Variants in SDK1 observed in about 807,000 individuals in gnomAD.
SDK1 encodes the protein protein sidekick-1.
Under a neutral mutation model 245.5 loss-of-function variants are expected in SDK1, and 157 were observed. That is an observed-to-expected ratio of 0.64 (90% CI 0.56 to 0.73). The LOEUF is 0.73. Ranked by LOEUF, SDK1 falls within the 30% of genes least tolerant of loss-of-function variation. The pLI is 0.00. For synonymous variants in SDK1, 1,647 were observed against 1,278.5 expected, an observed-to-expected ratio of 1.29 and a Z score of -6.15; for missense variants, 3,583 against 3,002.3, an observed-to-expected ratio of 1.19 and a Z score of -4.52.
intron 14 of SDK1, among the ~76,000 whole-genome samples, chr7:4,005,811 G>A (rs534591817): frequency 5.3e-5 from 8 of 152,178 alleles, no homozygotes; most frequent in African/African-American, 1.9e-4. Context: ...CAGACAGATT[G>A]CTTGAGTCCA....
At chr7:3,829,003 T>G (rs1210630076) in intron 5 of SDK1, among the ~76,000 whole-genome samples, 2 of 152,270 alleles carry the variant, frequency 1.3e-5, no homozygotes, top group African/African-American at 4.8e-5. Context: ...TGTGATATGA[T>G]TAATACAATT....
chr7:3,523,035 C>T (rs568037197), intron 1 of SDK1, among the ~76,000 whole-genome samples: 130 of 38,450 alleles, frequency 3.4e-3, no homozygotes, highest in African/African-American at 0.014. Flanking sequence ...AATTGGTAAA[C>T]CTGTAACATT....
At chr7:4,236,979 T>C (rs1786206788) in intron 41 of SDK1, among the ~76,000 whole-genome samples, 1 of 152,130 alleles carries the variant, frequency 6.6e-6, no homozygotes, top group Non-Finnish European at 1.5e-5. Flanking sequence ...TGATCGTGGC[T>C]CACTACAGCC....
intron 4 of SDK1, among the ~76,000 whole-genome samples, chr7:3,818,689 AG>A (rs1779570504): frequency 6.6e-6 from 1 of 152,368 alleles, no homozygotes; most frequent in African/African-American, 2.4e-5. Context: ...CTCATGAACC[AG>A]GAAGTCCCCA....
At chr7:3,952,287 T>TGA (rs1780896546) in intron 7 of SDK1, among the ~76,000 whole-genome samples, 1 of 152,202 alleles carries the variant, frequency 6.6e-6, no homozygotes, top group Non-Finnish European at 1.5e-5. Context: ...GAAACTATTC[T>TGA]ATTATTGCTG....
chr7:3,340,548 C>G (rs11984037), intron 1 of SDK1, among the ~76,000 whole-genome samples: 12 of 152,110 alleles, frequency 7.9e-5, no homozygotes, highest in South Asian at 4.2e-4. Context: ...GGCTCACGAG[C>G]TCAGGAGATC....
intron 17 of SDK1, among the ~76,000 whole-genome samples, chr7:4,046,640 T>C (rs1339717443): frequency 6.6e-6 from 1 of 152,230 alleles, no homozygotes; most frequent in African/African-American, 2.4e-5. Context: ...CTGATCAGTG[T>C]GTCCAGCCCT....
In SDK1 at chr7:4,017,191, C is replaced by G. The variant is rs772167284; in HGVS notation, c.2441C>G (p.Pro814Arg). ...CGCAGGTACCGCCTGGCTGGCCTTC[C>G]CGGAGAGTACCAGCAGCGGAACATC... ...YILRYRLAGL[P>R]GEYQQRNITS... Residue 814 changes from proline (P) to arginine (R), a missense_variant, in exon 17 of 45, where the codon CCC becomes CGC. Coordinates refer to ENST00000404826, the MANE Select transcript of SDK1 (RefSeq NM_152744.4). 8.1e-6 allele frequency: 13 copies of G among 1,612,322 alleles called. No individual in the cohort carries two copies. Among genetic ancestry groups the G allele is most frequent in the Admixed American group, 1.7e-5 (1 of 59,746 alleles).
At chr7:4,136,851 G>C (rs1481096782) in intron 28 of SDK1, among the ~76,000 whole-genome samples, 1 of 152,228 alleles carries the variant, frequency 6.6e-6, no homozygotes, top group African/African-American at 2.4e-5. Context: ...TATGATCCCT[G>C]TTGGCAGATT....
chr7:3,443,819 A>G (rs973993966), intron 1 of SDK1, among the ~76,000 whole-genome samples: 1 of 152,200 alleles, frequency 6.6e-6, no homozygotes, highest in East Asian at 1.9e-4. Flanking sequence ...TCATCAGGCT[A>G]GTGATATCAC....
intron 5 of SDK1, among the ~76,000 whole-genome samples, chr7:3,914,433 C>T (rs1016414518): frequency 2.6e-5 from 4 of 152,110 alleles, no homozygotes; most frequent in Non-Finnish European, 5.9e-5. Context: ...GAAATCACAG[C>T]GAGATTGTGG....
intron 5 of SDK1, among the ~76,000 whole-genome samples, chr7:3,919,655 A>C (rs1779519953): frequency 6.6e-6 from 1 of 152,166 alleles, no homozygotes; most frequent in Non-Finnish European, 1.5e-5. Context: ...AGAGCGCTTA[A>C]AGATTCTGCT....
intron 18 of SDK1, 89 bp from the exon 19 acceptor site, chr7:4,051,549 T>G: frequency 8.4e-7 from 1 of 1,189,042 alleles, no homozygotes; most frequent in Non-Finnish European, 1.2e-6. Context: ...CTTTACATTT[T>G]AAAAGACAAA....
intron 17 of SDK1, among the ~76,000 whole-genome samples, chr7:4,033,502 CA>C (rs376939134): frequency 7.3e-4 from 111 of 151,894 alleles, no homozygotes; most frequent in African/African-American, 2.6e-3. Flanking sequence ...ATTCCATATG[CA>C]AAAAAATACA....
chr7:4,263,273 C>T (rs565869847), intron 44 of SDK1, among the ~76,000 whole-genome samples: 1 of 147,820 alleles, frequency 6.8e-6, no homozygotes, highest in East Asian at 2.1e-4. Flanking sequence ...TCAGGCAAGC[C>T]AAAGACCCAG....
chr7:4,016,143 A>G (rs1438638327), intron 16 of SDK1, among the ~76,000 whole-genome samples: 1 of 152,240 alleles, frequency 6.6e-6, no homozygotes, highest in Non-Finnish European at 1.5e-5. Context: ...GGGACCACAC[A>G]GGTAATGGAC....
intron 35 of SDK1, among the ~76,000 whole-genome samples, chr7:4,193,153 T>A (rs1476259725): frequency 1.5e-5 from 2 of 131,522 alleles, no homozygotes; most frequent in Non-Finnish European, 3.1e-5. Context: ...TATATTTATA[T>A]AATATATATT....
chr7:3,428,110 C>G (rs933562937), intron 1 of SDK1, among the ~76,000 whole-genome samples: 2 of 152,168 alleles, frequency 1.3e-5, no homozygotes, highest in Admixed American at 6.5e-5. Context: ...CAACTATATG[C>G]TTTTCTGTCT....
In SDK1 at chr7:4,221,235, G is replaced by A. The variant is rs569451105; in HGVS notation, c.5702-4G>A. Reference sequence around the variant, plus strand: ...TCACCTCTCTTTTCTTCTTTATCCCGCAGGATCCCCGGGCTCGCCTAGAGA... The same window carrying A: ...TCACCTCTCTTTTCTTCTTTATCCCACAGGATCCCCGGGCTCGCCTAGAGA... On this transcript the variant is annotated splice_region_variant and splice_polypyrimidine_tract_variant and intron_variant, in intron 39 of 44. Coordinates refer to ENST00000404826, the MANE Select transcript of SDK1 (RefSeq NM_152744.4). 1.2e-5 allele frequency: 20 copies of A among 1,612,846 alleles called. No homozygotes were observed. Among genetic ancestry groups the A allele is most frequent in the East Asian group, 8.9e-5 (4 of 44,852 alleles).
Sources: gnomAD v4.1 joint callset for allele counts (sites outside exome capture counted in the v4.1 genomes callset) on GRCh38, gnomAD v4.1.1 for gene constraint, MANE v1.5 for transcripts, NCBI Gene and HGNC (gene_info 2026-07-23, HGNC 2026-07-21) for gene names.